The following PPARGC1A variants were observed in gnomAD, a reference collection of about 807,000 sequenced individuals.
The protein encoded by PPARGC1A is peroxisome proliferator-activated receptor gamma coactivator 1-alpha.
A neutral mutation model predicts 88.7 loss-of-function variants in PPARGC1A; 25 were observed. The ratio of observed to expected loss-of-function variants is 0.28; its 90% confidence interval spans 0.21 to 0.39. PPARGC1A has a LOEUF of 0.39. Ranked by LOEUF, PPARGC1A falls within the 10% of genes least tolerant of loss-of-function variation. PPARGC1A has a pLI of 1.00. For synonymous variants in PPARGC1A, 363 were observed against 355.6 expected (o/e 1.02, Z -0.24); for missense variants, 880 against 968.7 (o/e 0.91, Z 1.22).
the PPARGC1A span, among the ~76,000 whole-genome samples, chr4:23,994,552 T>C: frequency 6.6e-6 from 1 of 152,074 alleles, no homozygotes; most frequent in Non-Finnish European, 1.5e-5. Flanking sequence ...AAAGGTCACA[T>C]AGATAATACG....
the PPARGC1A span, among the ~76,000 whole-genome samples, chr4:24,457,738 A>AT: frequency 2.6e-5 from 4 of 151,650 alleles, no homozygotes; most frequent in Non-Finnish European, 4.4e-5. Context: ...TTATTTATTT[A>AT]TTTTTTAGTA....
chr4:23,948,091 C>T, the PPARGC1A span, among the ~76,000 whole-genome samples: 2 of 152,182 alleles, frequency 1.3e-5, no homozygotes, highest in African/African-American at 2.4e-5. Context: ...CCACACTCTT[C>T]TCCGACTGCA....
At chr4:23,917,933 T>C in the PPARGC1A span, among the ~76,000 whole-genome samples, 1 of 152,218 alleles carries the variant, frequency 6.6e-6, no homozygotes, top group Admixed American at 6.5e-5. Flanking sequence ...TTAGAGCAAA[T>C]GTGCATGGCA....
chr4:24,125,726 G>A, the PPARGC1A span, among the ~76,000 whole-genome samples: 1 of 152,278 alleles, frequency 6.6e-6, no homozygotes, highest in East Asian at 1.9e-4. Flanking sequence ...TTGAGAGAGA[G>A]AGAAAGAGAG....
chr4:24,185,202 C>T, the PPARGC1A span, among the ~76,000 whole-genome samples: 15 of 152,102 alleles, frequency 9.9e-5, no homozygotes, highest in Non-Finnish European at 1.8e-4. Context: ...GTTCCTGAAA[C>T]TTGAGTAATT....
At chr4:24,338,013 C>T in the PPARGC1A span, among the ~76,000 whole-genome samples, 3 of 152,198 alleles carry the variant, frequency 2.0e-5, no homozygotes, top group African/African-American at 7.2e-5. Flanking sequence ...CTCCCCTCTT[C>T]TCTTGAGCAC....
chr4:23,939,537 T>C, the PPARGC1A span, among the ~76,000 whole-genome samples: 1 of 152,194 alleles, frequency 6.6e-6, no homozygotes, highest in Non-Finnish European at 1.5e-5. Flanking sequence ...GATTCTATAG[T>C]GGTAGGAATC....
At chr4:24,118,181 C>A in the PPARGC1A span, among the ~76,000 whole-genome samples, 2 of 152,204 alleles carry the variant, frequency 1.3e-5, no homozygotes, top group Non-Finnish European at 2.9e-5. Context: ...CCATAACGTG[C>A]GGTCAATGAG....
the PPARGC1A span, among the ~76,000 whole-genome samples, chr4:23,986,615 A>G: frequency 3.5e-4 from 53 of 152,218 alleles, 2 homozygotes; most frequent in African/African-American, 1.2e-3. Context: ...ATCTCATTTC[A>G]TTCTTTCAGT....
the PPARGC1A span, among the ~76,000 whole-genome samples, chr4:24,296,669 A>C: frequency 2.6e-5 from 4 of 152,142 alleles, no homozygotes; most frequent in Non-Finnish European, 5.9e-5. Context: ...TTAGCATCCC[A>C]TTCCCATTTC....
At chr4:24,193,469 A>G in the PPARGC1A span, among the ~76,000 whole-genome samples, 15 of 152,312 alleles carry the variant, frequency 9.8e-5, no homozygotes, top group East Asian at 2.7e-3. Context: ...AGTGTCCCGC[A>G]GTGAGACCCC....
chr4:24,022,119 C>T, the PPARGC1A span, among the ~76,000 whole-genome samples: 2 of 152,140 alleles, frequency 1.3e-5, no homozygotes, highest in East Asian at 1.9e-4. Flanking sequence ...GGCTGAGCTA[C>T]AGGTGGATGG....
chr4:24,179,602 C>G, the PPARGC1A span, among the ~76,000 whole-genome samples: 2 of 152,084 alleles, frequency 1.3e-5, no homozygotes, highest in Non-Finnish European at 2.9e-5. Flanking sequence ...CTGACGAGCC[C>G]CCAATACAAA....
At chr4:24,307,920 G>C in the PPARGC1A span, among the ~76,000 whole-genome samples, 1 of 152,170 alleles carries the variant, frequency 6.6e-6, no homozygotes, top group Non-Finnish European at 1.5e-5. Context: ...TTGCTCCAAA[G>C]CCATGATGCC....
chr4:24,070,279 C>T, the PPARGC1A span, among the ~76,000 whole-genome samples: 1 of 152,136 alleles, frequency 6.6e-6, no homozygotes, highest in African/African-American at 2.4e-5. Context: ...AGAGGAAGTT[C>T]CCACCAGTAT....
At chr4:23,812,981 G>C in intron 9 of PPARGC1A, 40 bp downstream of exon 9, 1 of 1,610,982 alleles carries the variant, frequency 6.2e-7, no homozygotes, top group Non-Finnish European at 8.5e-7. Flanking sequence ...TCTCAAGGAG[G>C]GGATAAAGGG....
chr4:24,063,217 C>T, the PPARGC1A span, among the ~76,000 whole-genome samples: 2,197 of 152,244 alleles, frequency 0.014, 53 homozygotes, highest in African/African-American at 0.05. Flanking sequence ...TCTGAGCTGG[C>T]AGATTTAATT....
the PPARGC1A span, among the ~76,000 whole-genome samples, chr4:24,383,935 A>T: frequency 6.6e-6 from 1 of 152,192 alleles, no homozygotes; most frequent in Non-Finnish European, 1.5e-5. Context: ...CAGATTCACC[A>T]AGGTTGAAAT....
chr4:24,195,264 A>G, the PPARGC1A span, among the ~76,000 whole-genome samples: 1 of 152,158 alleles, frequency 6.6e-6, no homozygotes, highest in Non-Finnish European at 1.5e-5. Flanking sequence ...TAATTATTTC[A>G]CCCATATAGC....
Sources: allele counts gnomAD v4.1 joint callset (sites outside exome capture counted in the v4.1 genomes callset), GRCh38; gene constraint gnomAD v4.1.1; transcripts MANE v1.5; gene names NCBI Gene and HGNC (gene_info 2026-07-23, HGNC 2026-07-21).